The following KIF3B variants were observed in gnomAD, a reference collection of about 807,000 sequenced individuals.
KIF3B encodes kinesin-like protein KIF3B.
Under a neutral mutation model 74.3 loss-of-function variants are expected in KIF3B, and 38 were observed. The ratio of observed to expected loss-of-function variants is 0.51; its 90% CI spans 0.39 to 0.67. The LOEUF (loss-of-function observed/expected upper bound fraction) is 0.67, where lower values mean the gene tolerates loss of function less well. Ranked by LOEUF, KIF3B falls within the 30% of genes least tolerant of loss-of-function variation. The pLI, the probability that KIF3B is intolerant of heterozygous loss-of-function variation, is 0.00. For missense variants in KIF3B, 649 were observed against 932.0 expected, an observed-to-expected ratio of 0.70 and a Z score of 3.95; for synonymous variants, 326 against 342.5, an observed-to-expected ratio of 0.95 and a Z score of 0.53.
At chr20:32,321,284 C>A (rs1431499196) in intron 5 of KIF3B, among the ~76,000 whole-genome samples, 10 of 151,944 alleles carry the variant, frequency 6.6e-5, no homozygotes, top group Non-Finnish European at 1.2e-4. Flanking sequence ...CAAAAATTAG[C>A]CAGGTGTGGT....
intron 1 of KIF3B, among the ~76,000 whole-genome samples, chr20:32,301,900 G>C (rs890444521): frequency 5.9e-5 from 9 of 152,192 alleles, no homozygotes; most frequent in Non-Finnish European, 1.0e-4. Flanking sequence ...GAGTGTGACT[G>C]CCGTGACAAA....
At chr20:32,286,097 C>T (rs910665227) in intron 1 of KIF3B, among the ~76,000 whole-genome samples, 1 of 152,144 alleles carries the variant, frequency 6.6e-6, no homozygotes, top group African/African-American at 2.4e-5. Context: ...AAGACATTTG[C>T]AGCACTTGCA....
intron 5 of KIF3B, among the ~76,000 whole-genome samples, chr20:32,321,983 C>A (rs1007173454): frequency 1.3e-5 from 2 of 152,092 alleles, no homozygotes; most frequent in Admixed American, 6.6e-5. Context: ...TGGAACCAAA[C>A]CCACAGTATC....
At position 32,331,504 on chromosome 20, in the gene KIF3B, C is replaced by T. The variant is rs1600442606; in HGVS notation, c.*185C>T. 7 of 555,778 alleles carry T rather than the reference C, an allele frequency of 1.3e-5. No homozygotes were observed. In the East Asian group the frequency reaches 2.2e-4, roughly 18 times the overall value. The allele number at this position is 555,778 out of a possible 1,614,324, so 34.4% of individuals were successfully genotyped here. A position where few individuals can be genotyped will look rare whatever the true frequency, so the allele number is the denominator to read the frequency against. On this transcript the variant is annotated 3_prime_UTR_variant, in exon 9 of 9. Coordinates refer to ENST00000375712, the MANE Select transcript of KIF3B (RefSeq NM_004798.4). Reference sequence around the variant, plus strand: ...GCTGTTCCTAATCTGGCACTCAGCCCCTCTGGGAAACATCTTTTAATTAGC... The same window carrying T: ...GCTGTTCCTAATCTGGCACTCAGCCTCTCTGGGAAACATCTTTTAATTAGC...
intron 1 of KIF3B, among the ~76,000 whole-genome samples, chr20:32,285,216 T>A (rs2047662198): frequency 6.6e-6 from 1 of 152,194 alleles, no homozygotes; most frequent in South Asian, 2.1e-4. Flanking sequence ...GATATCTCAT[T>A]TGGTCAGATA....
intron 5 of KIF3B, among the ~76,000 whole-genome samples, chr20:32,321,410 C>G (rs1295229603): frequency 6.8e-6 from 1 of 146,004 alleles, no homozygotes; most frequent in Non-Finnish European, 1.5e-5. Context: ...GCCTGGGCAA[C>G]AGAGCAAGAC....
At chr20:32,319,582 G>GTTTTTTTTTTTTTTTTT (rs34028388) in intron 5 of KIF3B, among the ~76,000 whole-genome samples, 3 of 92,018 alleles carry the variant, frequency 3.3e-5, no homozygotes, top group South Asian at 4.4e-4. Flanking sequence ...TTTTGTTTTT[G>GTTTTTTTTTTTTTTTTT]TTTTTTTTTT....
Position 32,309,763 on chromosome 20 carries a change from G to A in KIF3B, c.-15G>A, listed in dbSNP as rs1354271743. ...AATTGACACTTCTCAAGATTTGACTGGATCAGAGTTCATCATGTCAAAGTT... is the reference window on the plus strand; with the variant it reads ...AATTGACACTTCTCAAGATTTGACTAGATCAGAGTTCATCATGTCAAAGTT... On this transcript the variant is annotated 5_prime_UTR_variant, in exon 2 of 9. Transcript: ENST00000375712. 2.5e-6 allele frequency: 4 copies of A among 1,600,990 alleles called. No homozygotes were observed. The African/African-American group carries it at 4.0e-5, about 16-fold the overall frequency.
intron 5 of KIF3B, among the ~76,000 whole-genome samples, chr20:32,320,917 T>G (rs1031886982): frequency 6.6e-6 from 1 of 152,140 alleles, no homozygotes; most frequent in African/African-American, 2.4e-5. Context: ...ACATTCATAT[T>G]CAAGTTTCTT....
chr20:32,288,940 A>G (rs1275167438), intron 1 of KIF3B, among the ~76,000 whole-genome samples: 1 of 152,212 alleles, frequency 6.6e-6, no homozygotes, highest in Non-Finnish European at 1.5e-5. Flanking sequence ...TGTTGGATCA[A>G]CTTTGGAAAC....
chr20:32,317,540 G>A (rs996519078), intron 5 of KIF3B, among the ~76,000 whole-genome samples: 1 of 151,882 alleles, frequency 6.6e-6, no homozygotes, highest in Admixed American at 6.6e-5. Context: ...GGATTAACAA[G>A]CTTTTGCCAT....
At chr20:32,302,874 T>C (rs2047750983) in intron 1 of KIF3B, among the ~76,000 whole-genome samples, 1 of 152,184 alleles carries the variant, frequency 6.6e-6, no homozygotes, top group African/African-American at 2.4e-5. Flanking sequence ...GTCTCTTTCT[T>C]CCCATCTGGC....
chr20:32,325,549 T>C (rs1320267928), intron 5 of KIF3B, among the ~76,000 whole-genome samples: 1 of 151,738 alleles, frequency 6.6e-6, no homozygotes, highest in Non-Finnish European at 1.5e-5. Context: ...AAGCCAAATA[T>C]GTGTTATAAA....
chr20:32,295,014 G>A (rs1314716301), intron 1 of KIF3B, among the ~76,000 whole-genome samples: 1 of 152,186 alleles, frequency 6.6e-6, no homozygotes, highest in Non-Finnish European at 1.5e-5. Context: ...TAAGTGCTTA[G>A]AGGTGGTGAT....
rs140637555 is a variant in KIF3B at position 32,326,653 on chromosome 20, G to A, written c.1749-118G>A. On this transcript the variant is annotated intron_variant, in intron 5 of 8. Transcript: ENST00000375712. The stretch of plus-strand genomic sequence containing the variant: ...ATGTTAGGCCCATCGTACTTGCTGA[G>A]TAAATGTTTGCTATGTGCCTTGACT... 9.2e-4 allele frequency: 577 copies of A among 628,204 alleles called. 1 individual carries two copies. Among genetic ancestry groups the A allele is most frequent in the Non-Finnish European group, 1.4e-3 (497 of 348,764 alleles). 38.9% of individuals were successfully genotyped at this position (628,204 alleles called of 1,614,324 possible). A position where few individuals can be genotyped will look rare whatever the true frequency, so the allele number is the denominator to read the frequency against.
intron 1 of KIF3B, among the ~76,000 whole-genome samples, chr20:32,299,985 A>G (rs1385465968): frequency 6.6e-6 from 1 of 151,868 alleles, no homozygotes; most frequent in African/African-American, 2.4e-5. Flanking sequence ...TTCTGTTCCC[A>G]GGCTGGTCTC....
intron 5 of KIF3B, among the ~76,000 whole-genome samples, chr20:32,323,749 G>A (rs144397324): frequency 1.9e-4 from 29 of 152,042 alleles, no homozygotes; most frequent in African/African-American, 6.8e-4. Flanking sequence ...GTGGTGGCGG[G>A]CGCCTGTAAT....
chr20:32,333,832 A>G lies in KIF3B; in HGVS notation c.*2513A>G, dbSNP rs773271886. 1.3e-5 allele frequency: 2 copies of G among 152,532 alleles called. No individual in the cohort carries two copies. The highest frequency in any genetic ancestry group is 2.4e-5 in the African/African-American group (1 of 41,402). The allele number at this position is 152,532 out of a possible 1,614,324, so 9.4% of individuals were successfully genotyped here. On this transcript the variant is annotated 3_prime_UTR_variant, in exon 9 of 9. Coordinates refer to ENST00000375712, the MANE Select transcript of KIF3B (RefSeq NM_004798.4). ...TGTGTTCATGTGGTGGTCTGTGGAA[A>G]GAAAAGAAGACTCATTTGGAAATGA...
intron 1 of KIF3B, among the ~76,000 whole-genome samples, chr20:32,298,618 G>A (rs998381330): frequency 3.3e-5 from 5 of 151,980 alleles, no homozygotes; most frequent in African/African-American, 1.2e-4. Context: ...TGCCCAGTTT[G>A]GGCAGCCACT....
Sources: gnomAD v4.1 joint callset for allele counts (sites outside exome capture counted in the v4.1 genomes callset) on GRCh38, gnomAD v4.1.1 for gene constraint, MANE v1.5 for transcripts, NCBI Gene and HGNC (gene_info 2026-07-23, HGNC 2026-07-21) for gene names.